The following CNTNAP2 variants were observed in gnomAD, a reference collection of about 807,000 sequenced individuals.
CNTNAP2 encodes contactin associated protein 2, also known as contactin-associated protein-like 2.
Under a neutral mutation model 155.2 loss-of-function variants are expected in CNTNAP2, and 98 were observed. The ratio of observed to expected loss-of-function variants is 0.63; its 90% CI spans 0.54 to 0.75. CNTNAP2 has a LOEUF of 0.75. Ranked by LOEUF, CNTNAP2 falls within the 30% of genes least tolerant of loss-of-function variation. CNTNAP2 has a pLI of 0.00. For missense variants in CNTNAP2, 1,727 were observed against 1,688.1 expected, an observed-to-expected ratio of 1.02 and a Z score of -0.40; for synonymous variants, 651 against 631.2, an observed-to-expected ratio of 1.03 and a Z score of -0.47.
In CNTNAP2 at chr7:148,297,241, T is replaced by C. The variant is rs150142558; in HGVS notation, c.3475+30115T>C. ...AAAGTGGAAGGACCTCAGCAGAATA[T>C]GGAAGCTCAGTTCAGCATGAACTTC... On this transcript the variant is annotated intron_variant, in intron 21 of 23. Transcript: ENST00000361727. 1.4e-4 allele frequency among the ~76,000 whole-genome samples: 21 copies of C among 145,208 alleles called. No homozygotes were observed. The East Asian group carries it at 4.2e-3, about 29-fold the overall frequency.
intron 11 of CNTNAP2, among the ~76,000 whole-genome samples, chr7:147,488,901 G>A (rs528135025): frequency 6.6e-6 from 1 of 152,314 alleles, no homozygotes; most frequent in African/African-American, 2.4e-5. Context: ...GAGATTAAAT[G>A]AAATGATGTA....
rs571114287 is a variant in CNTNAP2, at chr7:146,523,078, C to T, written c.98-251193C>T. ...GTTCTTTAGTGGTGGTTTGTGGGAT[C>T]CTGGCGCACCCATCACCTGAGCAGT... On this transcript the variant is annotated intron_variant, in intron 1 of 23. Coordinates refer to ENST00000361727, the MANE Select transcript of CNTNAP2 (RefSeq NM_014141.6). 6.6e-5 allele frequency among the ~76,000 whole-genome samples: 10 copies of T among 151,888 alleles called. No homozygotes were observed. The East Asian group carries it at 7.8e-4, about 12-fold the overall frequency.
At chr7:148,061,092 G>T (rs1803120479) in intron 15 of CNTNAP2, among the ~76,000 whole-genome samples, 1 of 152,126 alleles carries the variant, frequency 6.6e-6, no homozygotes, top group African/African-American at 2.4e-5. Flanking sequence ...AATGTCTGAG[G>T]TGTAAGAAGT....
Position 147,944,323 on chromosome 7 carries a change from A to G in CNTNAP2, c.2256-33539A>G, listed in dbSNP as rs994159729. On this transcript the variant is annotated intron_variant, in intron 14 of 23. Transcript: ENST00000361727. Reference sequence around the variant, plus strand: ...TGTTAAATAAATACCGTCTTTTAAAACATAAATAGCATGGTTACTCCACAT... The same window carrying G: ...TGTTAAATAAATACCGTCTTTTAAAGCATAAATAGCATGGTTACTCCACAT... Among the ~76,000 whole-genome samples, 7 of 152,334 alleles carry G rather than the reference A, an allele frequency of 4.6e-5. No individual in the cohort carries two copies. In the East Asian group the frequency reaches 1.3e-3, roughly 29 times the overall value.
rs541390305 is a variant in CNTNAP2 at position 148,170,736 on chromosome 7, G to T, written c.2774-1506G>T. On this transcript the variant is annotated intron_variant, in intron 17 of 23. Coordinates refer to ENST00000361727, the MANE Select transcript of CNTNAP2 (RefSeq NM_014141.6). Reference sequence around the variant, plus strand: ...TTTGCCACTTCACTGATGGGGTTTTGCAGGCATAAGCAGATGCTAATTCAT... The same window carrying T: ...TTTGCCACTTCACTGATGGGGTTTTTCAGGCATAAGCAGATGCTAATTCAT... Among the ~76,000 whole-genome samples, 20 of 152,342 alleles carry T rather than the reference G, an allele frequency of 1.3e-4. No homozygotes were observed. The East Asian group carries it at 3.7e-3, about 28-fold the overall frequency.
chr7:146,702,249 T>C (rs1393692967), intron 1 of CNTNAP2, among the ~76,000 whole-genome samples: 2 of 152,186 alleles, frequency 1.3e-5, no homozygotes, highest in Non-Finnish European at 2.9e-5. Flanking sequence ...TAAGTAGTTT[T>C]ATTCTATTAA....
chr7:146,552,490 C>T (rs1381326557), intron 1 of CNTNAP2, among the ~76,000 whole-genome samples: 2 of 152,106 alleles, frequency 1.3e-5, no homozygotes, highest in Middle Eastern at 3.2e-3. Context: ...GGATTTTTCT[C>T]ACCTGGATTA....
At chr7:147,787,248 G>T (rs1242570534) in intron 13 of CNTNAP2, among the ~76,000 whole-genome samples, 2 of 152,206 alleles carry the variant, frequency 1.3e-5, no homozygotes, top group African/African-American at 4.8e-5. Flanking sequence ...ATCCCACTCA[G>T]CTGGGGTGGA....
At chr7:147,530,807 T>G (rs1315494755) in intron 11 of CNTNAP2, among the ~76,000 whole-genome samples, 2 of 152,174 alleles carry the variant, frequency 1.3e-5, no homozygotes, top group East Asian at 1.9e-4. Context: ...CATTTCGACA[T>G]TAACTCAAAA....
intron 3 of CNTNAP2, among the ~76,000 whole-genome samples, chr7:146,935,746 G>A (rs965972779): frequency 3.3e-5 from 5 of 152,216 alleles, no homozygotes; most frequent in African/African-American, 1.2e-4. Context: ...GTCTTGTGGA[G>A]AAAGCATTGG....
Position 148,142,230 on chromosome 7 carries a change from G to C in CNTNAP2, c.2555-5261G>C, listed in dbSNP as rs115825938. The stretch of plus-strand genomic sequence containing the variant: ...TGGCATCCCGTGTATAGGTGCAGCA[G>C]TTGGCCTTGAATTAGGAACATAGAT... On this transcript the variant is annotated intron_variant, in intron 16 of 23. Transcript: ENST00000361727. 6.0e-3 allele frequency among the ~76,000 whole-genome samples: 917 copies of C among 151,938 alleles called. 9 individuals carry two copies. The highest frequency in any genetic ancestry group is 0.021 in the African/African-American group (875 of 41,434).
chr7:146,784,973 C>CTTTTTTT (rs11301712), intron 2 of CNTNAP2, among the ~76,000 whole-genome samples: 1 of 141,672 alleles, frequency 7.1e-6, no homozygotes, highest in Non-Finnish European at 1.5e-5. Context: ...TATCCCTTTG[C>CTTTTTTT]TTTTTTTTTT....
chr7:146,841,597 A>T (rs1386380507), intron 3 of CNTNAP2, among the ~76,000 whole-genome samples: 2 of 152,104 alleles, frequency 1.3e-5, no homozygotes, highest in African/African-American at 4.8e-5. Context: ...TCAAATTAGC[A>T]TGTTGGTAAA....
chr7:148,208,294 G>A (rs1795488207), intron 18 of CNTNAP2, among the ~76,000 whole-genome samples: 1 of 152,146 alleles, frequency 6.6e-6, no homozygotes, highest in Non-Finnish European at 1.5e-5. Context: ...AAAATTCGGG[G>A]AGAGGATCAG....
In CNTNAP2 at chr7:147,184,271, G is replaced by A. The variant is rs183312079; in HGVS notation, c.1348+51762G>A. On this transcript the variant is annotated intron_variant, in intron 8 of 23. Transcript: ENST00000361727. Reference sequence around the variant, plus strand: ...AGTGTTTCTCTGGAGGGACTGGATCGCTCCTAAGGCTGCCCAACTTGTGGG... The same window carrying A: ...AGTGTTTCTCTGGAGGGACTGGATCACTCCTAAGGCTGCCCAACTTGTGGG... 1.2e-4 allele frequency among the ~76,000 whole-genome samples: 19 copies of A among 152,252 alleles called. No homozygotes were observed. In the East Asian group the frequency reaches 2.1e-3, roughly 17 times the overall value.
At chr7:147,661,235 T>A (rs1489673700) in intron 13 of CNTNAP2, among the ~76,000 whole-genome samples, 1 of 152,058 alleles carries the variant, frequency 6.6e-6, no homozygotes, top group Non-Finnish European at 1.5e-5. Flanking sequence ...TTTGGTGTAC[T>A]TTTTAGAGAA....
At chr7:146,172,914 A>G (rs1037676934) in intron 1 of CNTNAP2, among the ~76,000 whole-genome samples, 1 of 152,196 alleles carries the variant, frequency 6.6e-6, no homozygotes, top group African/African-American at 2.4e-5. Flanking sequence ...ATATTTACCA[A>G]TGAACCTGAG....
intron 1 of CNTNAP2, among the ~76,000 whole-genome samples, chr7:146,532,775 G>T (rs997689707): frequency 1.3e-5 from 2 of 151,940 alleles, no homozygotes; most frequent in Non-Finnish European, 1.5e-5. Context: ...ACAAGGAAAA[G>T]GTCATAGAGG....
intron 1 of CNTNAP2, among the ~76,000 whole-genome samples, chr7:146,726,106 G>A (rs796644237): frequency 1.1e-4 from 16 of 152,190 alleles, no homozygotes; most frequent in African/African-American, 3.4e-4. Flanking sequence ...AAACCTCAAC[G>A]ATTACATTTT....
Sources: allele counts gnomAD v4.1 joint callset (sites outside exome capture counted in the v4.1 genomes callset), GRCh38; gene constraint gnomAD v4.1.1; transcripts MANE v1.5; gene names NCBI Gene and HGNC (gene_info 2026-07-23, HGNC 2026-07-21).